Variants in PEAK1 observed in about 807,000 individuals in gnomAD.
PEAK1 encodes pseudopodium enriched atypical kinase 1.
In PEAK1, 54 loss-of-function variants were observed where a neutral mutation model predicts 124.7. The observed-to-expected ratio is 0.43, with a 90% CI of 0.35 to 0.54. PEAK1 has a LOEUF of 0.54. Among genes scored for constraint, PEAK1 ranks in the 20% least tolerant of loss-of-function variants. The pLI, the probability that PEAK1 is intolerant of heterozygous loss-of-function variation, is 0.01. For synonymous variants in PEAK1, 719 were observed against 760.0 expected, an observed-to-expected ratio of 0.95 and a Z score of 0.89; for missense variants, 2,046 against 2,134.5, an observed-to-expected ratio of 0.96 and a Z score of 0.82.
intron 2 of PEAK1, among the ~76,000 whole-genome samples, chr15:77,316,141 G>A (rs539138923): frequency 3.3e-5 from 5 of 152,186 alleles, no homozygotes; most frequent in Non-Finnish European, 7.4e-5. Context: ...TGCCACCACA[G>A]TATTAACACT....
At chr15:77,409,528 C>T (rs1004595867) in intron 1 of PEAK1, among the ~76,000 whole-genome samples, 1 of 152,106 alleles carries the variant, frequency 6.6e-6, no homozygotes. Flanking sequence ...CTCATGAAAG[C>T]CCAGTGTTTG....
chr15:77,248,158 T>C (rs937583197), intron 6 of PEAK1, among the ~76,000 whole-genome samples: 1 of 151,924 alleles, frequency 6.6e-6, no homozygotes, highest in Non-Finnish European at 1.5e-5. Flanking sequence ...TGGCTTCTCA[T>C]AGTGCTGGGA....
At chr15:77,271,575 A>G (rs1185746660) in intron 5 of PEAK1, among the ~76,000 whole-genome samples, 1 of 152,196 alleles carries the variant, frequency 6.6e-6, no homozygotes, top group Non-Finnish European at 1.5e-5. Flanking sequence ...TGTGGCACAT[A>G]TACACCATGG....
intron 7 of PEAK1, among the ~76,000 whole-genome samples, chr15:77,166,983 T>C (rs1053986222): frequency 1.3e-5 from 2 of 152,176 alleles, no homozygotes; most frequent in African/African-American, 4.8e-5. Flanking sequence ...TCTCTAGGGA[T>C]TGATTTAATA....
intron 6 of PEAK1, among the ~76,000 whole-genome samples, chr15:77,210,315 G>T (rs1385327032): frequency 6.6e-6 from 1 of 152,100 alleles, no homozygotes; most frequent in Non-Finnish European, 1.5e-5. Context: ...GTTTGTTCTT[G>T]CAGATCATAA....
chr15:77,245,654 T>C (rs1454321225), intron 6 of PEAK1, among the ~76,000 whole-genome samples: 1 of 151,932 alleles, frequency 6.6e-6, no homozygotes, highest in Non-Finnish European at 1.5e-5. Flanking sequence ...AGCCAAGATT[T>C]TACCACTGCA....
Position 77,180,529 on chromosome 15 carries a change from G to T in PEAK1, c.1398C>A (p.Asn466Lys), listed in dbSNP as rs10519162. ...EEQAKPYRVVNLEQPLCKPYT... is the reference protein window; with the variant it reads ...EEQAKPYRVVKLEQPLCKPYT... ...ATGGCTTGCACAATGGCTGTTCCAGGTTCACAACTCGGTAAGGTTTTGCTT... is the reference window on the plus strand; with the variant it reads ...ATGGCTTGCACAATGGCTGTTCCAGTTTCACAACTCGGTAAGGTTTTGCTT... Residue 466 changes from asparagine (N) to lysine (K), a missense_variant, in exon 7 of 10, where the codon AAC (asparagine) becomes AAA (lysine). Physicochemically the swap from Asn to Lys is moderately conservative, Grantham distance 94. Transcript: ENST00000682557. 11 of 1,613,910 alleles carry T rather than the reference G, an allele frequency of 6.8e-6. No homozygotes were observed. The highest frequency in any genetic ancestry group is 1.3e-5 in the African/African-American group (1 of 74,866).
At position 77,113,365 on chromosome 15, in the gene PEAK1, C is replaced by G. The variant is rs954650112; in HGVS notation, c.*791G>C. The G allele has an allele frequency of 6.6e-6, 1 of 152,358 alleles. No individual in the cohort carries two copies. The highest frequency in any genetic ancestry group is 2.4e-5 in the African/African-American group (1 of 41,470). 9.4% of individuals were successfully genotyped at this position (152,358 alleles called of 1,614,324 possible). The stretch of plus-strand genomic sequence containing the variant: ...CTATTTATAAGCTCTGAACTGCACT[C>G]CACCCTGCTGAGGCATTGGTGACAC... On this transcript the variant is annotated 3_prime_UTR_variant, in exon 10 of 10. Transcript: ENST00000682557.
At chr15:77,403,556 T>C (rs1320859854) in intron 1 of PEAK1, 8 of 971,630 alleles carry the variant, frequency 8.2e-6, no homozygotes, top group Non-Finnish European at 8.6e-6. Context: ...ATTTAGAAAG[T>C]TCTTTCACAT....
chr15:77,330,399 C>A, intron 2 of PEAK1, among the ~76,000 whole-genome samples: 1 of 152,146 alleles, frequency 6.6e-6, no homozygotes, highest in African/African-American at 2.4e-5. Context: ...CTAAAAAGAT[C>A]TTTTAAAATA....
intron 2 of PEAK1, among the ~76,000 whole-genome samples, chr15:77,342,478 C>G (rs2066606806): frequency 6.7e-6 from 1 of 149,202 alleles, no homozygotes; most frequent in Non-Finnish European, 1.5e-5. Flanking sequence ...ATGATTACAG[C>G]TCACTGCAGC....
intron 1 of PEAK1, among the ~76,000 whole-genome samples, chr15:77,382,944 T>C (rs578030788): frequency 6.6e-6 from 1 of 152,090 alleles, no homozygotes; most frequent in Non-Finnish European, 1.5e-5. Context: ...TGTTTATTGA[T>C]CTACTTTGAA....
In PEAK1 at chr15:77,179,553, T is replaced by C. The variant is rs1186957487; in HGVS notation, c.2374A>G (p.Ser792Gly). The C allele has an allele frequency of 1.9e-6, 3 of 1,614,124 alleles. No homozygotes were observed. The highest frequency in any genetic ancestry group is 2.2e-5 in the South Asian group (2 of 91,084). ...GGAATGGCATAAAGCTCTTCCACACTGCAAGCTTTAGGGCCAGATTGAGGT... is the reference window on the plus strand; with the variant it reads ...GGAATGGCATAAAGCTCTTCCACACCGCAAGCTTTAGGGCCAGATTGAGGT... ...ETPQSGPKAC[S>G]VEELYAIPPD... The change falls in exon 7 of 10, where the codon AGT becomes GGT. Residue 792 changes from serine to glycine, a missense_variant. Coordinates refer to ENST00000682557, the MANE Select transcript of PEAK1 (RefSeq NM_001385026.1).
At chr15:77,420,278 C>A (rs2073273909), upstream of PEAK1, 2 of 151,232 alleles carry the variant, frequency 1.3e-5, no homozygotes. Flanking sequence ...CGCGCGCTCA[C>A]GGGCCCCGGT....
At chr15:77,288,629 G>A (rs1488744505) in intron 2 of PEAK1, among the ~76,000 whole-genome samples, 3 of 152,156 alleles carry the variant, frequency 2.0e-5, no homozygotes, top group African/African-American at 7.2e-5. Context: ...TGTTCAGATT[G>A]TTGAAGAGAA....
chr15:77,269,056 A>T lies in PEAK1; in HGVS notation c.-275+14827T>A, dbSNP rs369080263. ...AAATCCTCCAAATACACCCAAATCG[A>T]ATATCCTTAAAGCATAAATCTCACA... On this transcript the variant is annotated intron_variant, in intron 5 of 9. Coordinates refer to ENST00000682557, the MANE Select transcript of PEAK1 (RefSeq NM_001385026.1). 5.5e-4 allele frequency among the ~76,000 whole-genome samples: 84 copies of T among 152,206 alleles called. No individual in the cohort carries two copies. In the East Asian group the frequency reaches 8.7e-3, roughly 16 times the overall value.
chr15:77,152,514 T>C (rs1447939954), intron 8 of PEAK1, among the ~76,000 whole-genome samples: 1 of 152,208 alleles, frequency 6.6e-6, no homozygotes, highest in Non-Finnish European at 1.5e-5. Flanking sequence ...GGCCAGAACT[T>C]CCAACACTAT....
In PEAK1 at chr15:77,112,315, A is replaced by G. The variant is rs2051022439; in HGVS notation, c.*1841T>C. 6.6e-6 allele frequency: 1 copy of G among 152,262 alleles called. No homozygotes were observed. The highest frequency in any genetic ancestry group is 1.5e-5 in the Non-Finnish European group (1 of 68,042). 9.4% of individuals were successfully genotyped at this position (152,262 alleles called of 1,614,324 possible). A position where few individuals can be genotyped will look rare whatever the true frequency, so the allele number is the denominator to read the frequency against. On this transcript the variant is annotated 3_prime_UTR_variant, in exon 10 of 10. Coordinates refer to ENST00000682557, the MANE Select transcript of PEAK1 (RefSeq NM_001385026.1). ...ATCCTCTTTGTTATACATGAATCAC[A>G]TGAAAAGCTGTTAAAAATGTTAAAA... is the stretch of plus-strand genomic sequence containing the variant.
At chr15:77,187,119 C>T (rs182819832) in intron 6 of PEAK1, among the ~76,000 whole-genome samples, 29 of 152,356 alleles carry the variant, frequency 1.9e-4, no homozygotes, top group African/African-American at 6.5e-4. Context: ...TTTACCTCCA[C>T]ATTCCTTATA....
Sources: gnomAD v4.1 joint callset for allele counts (sites outside exome capture counted in the v4.1 genomes callset) on GRCh38, gnomAD v4.1.1 for gene constraint, MANE v1.5 for transcripts, NCBI Gene and HGNC (gene_info 2026-07-23, HGNC 2026-07-21) for gene names.